The following FAM240A variants were observed in gnomAD, a reference collection of about 807,000 sequenced individuals.
FAM240A encodes family with sequence similarity 240 member A.
A neutral mutation model predicts 7.3 loss-of-function variants in FAM240A; 8 were observed. The observed-to-expected ratio is 1.09, with a 90% CI of 0.64 to 1.97. The LOEUF (loss-of-function observed/expected upper bound fraction) is 1.97. FAM240A is among the 30% of genes most tolerant of loss of function. The pLI is 0.00. For missense variants in FAM240A, 90 were observed against 102.2 expected, an observed-to-expected ratio of 0.88 and a Z score of 0.52; for synonymous variants, 32 against 35.9, an observed-to-expected ratio of 0.89 and a Z score of 0.38.
chr3:46,617,648 C>A (rs1472756948), intron 2 of FAM240A, among the ~76,000 whole-genome samples: 57 of 152,130 alleles, frequency 3.7e-4, no homozygotes, highest in Admixed American at 3.7e-3. Context: ...TAATTCTTAT[C>A]TTTATGAACT....
intron 2 of FAM240A, among the ~76,000 whole-genome samples, chr3:46,624,024 T>A (rs1697726452): frequency 6.6e-6 from 1 of 152,180 alleles, no homozygotes; most frequent in Non-Finnish European, 1.5e-5. Flanking sequence ...GTTGGCTATT[T>A]AACTATTGTT....
intron 1 of FAM240A, among the ~76,000 whole-genome samples, chr3:46,614,288 T>G (rs1697603997): frequency 6.6e-6 from 1 of 152,192 alleles, no homozygotes; most frequent in African/African-American, 2.4e-5. Context: ...AAAGTTATCA[T>G]TAATTGTGTT....
intron 2 of FAM240A, among the ~76,000 whole-genome samples, chr3:46,622,963 C>T (rs1575386970): frequency 6.6e-6 from 1 of 152,116 alleles, no homozygotes; most frequent in African/African-American, 2.4e-5. Flanking sequence ...GGAGAAATGA[C>T]GTCCTAATAA....
Position 46,625,192 on chromosome 3 carries a change from A to G in FAM240A, c.226A>G (p.Thr76Ala). The change falls in exon 3 of 3, where the codon ACT becomes GCT. Residue 76 changes from threonine (T) to alanine (A), a missense_variant. Coordinates refer to ENST00000640551, the MANE Select transcript of FAM240A (RefSeq NM_001195442.2). ...GAGGCTGCGGAACAATCCAGAGGAC[A>G]CTGAAAAGAGGACAAATGTTGGCTG... ...KLRLRNNPED[T>A]EKRTNVG is the part of the protein sequence containing the mutation. 1 of 1,533,670 alleles carries G rather than the reference A, an allele frequency of 6.5e-7. No homozygotes were observed. Among genetic ancestry groups the G allele is most frequent in the Non-Finnish European group, 8.7e-7 (1 of 1,145,502 alleles).
At chr3:46,616,726 CACAT>C (rs148936964) in intron 1 of FAM240A, among the ~76,000 whole-genome samples, 413 of 149,032 alleles carry the variant, frequency 2.8e-3, no homozygotes, top group African/African-American at 9.0e-3. Context: ...CACACACACA[CACAT>C]AAAACATTTT....
At chr3:46,616,395 A>G (rs1156328306) in intron 1 of FAM240A, among the ~76,000 whole-genome samples, 2 of 152,046 alleles carry the variant, frequency 1.3e-5, no homozygotes, top group Admixed American at 1.3e-4. Context: ...TTACATGGAT[A>G]AGTTGTATAG....
At chr3:46,618,219 A>G (rs1176750238) in intron 2 of FAM240A, among the ~76,000 whole-genome samples, 5 of 152,196 alleles carry the variant, frequency 3.3e-5, no homozygotes, top group Admixed American at 3.3e-4. Flanking sequence ...CCTGAGCCCT[A>G]GAGGGGAACC....
intron 2 of FAM240A, among the ~76,000 whole-genome samples, chr3:46,618,827 C>T (rs1412153165): frequency 7.1e-6 from 1 of 141,468 alleles, no homozygotes; most frequent in Non-Finnish European, 1.5e-5. Context: ...GTGACAAGAG[C>T]AAAACTCTGT....
intron 2 of FAM240A, among the ~76,000 whole-genome samples, chr3:46,622,480 T>G (rs1697709764): frequency 6.6e-6 from 1 of 152,202 alleles, no homozygotes; most frequent in Non-Finnish European, 1.5e-5. Flanking sequence ...TCACAAAGAT[T>G]GTCTTCTGTT....
rs10539495 is a variant in FAM240A at position 46,624,963 on chromosome 3, T to TTATA, written c.162-149_162-146dup. Among the ~76,000 whole-genome samples, 657 of 146,632 alleles carry TTATA rather than the reference T, an allele frequency of 4.5e-3. 2 individuals carry two copies. Among genetic ancestry groups the TTATA allele is most frequent in the African/African-American group, 0.013 (522 of 40,230 alleles). Reference sequence around the variant, plus strand: ...ATATAAATAAATAAATATGAATAAATTATATATATATATATATATTTAAAC... The same window carrying TTATA: ...ATATAAATAAATAAATATGAATAAATTATATATATATATATATATATATTTAAAC... On this transcript the variant is annotated intron_variant, in intron 2 of 2. Coordinates refer to ENST00000640551, the MANE Select transcript of FAM240A (RefSeq NM_001195442.2).
intron 2 of FAM240A, among the ~76,000 whole-genome samples, chr3:46,618,878 TATATAC>T (rs1211147033): frequency 0.012 from 866 of 73,828 alleles, 5 homozygotes; most frequent in African/African-American, 0.028. Flanking sequence ...TATATATATA[TATATAC>T]ACACACACAC....
intron 1 of FAM240A, among the ~76,000 whole-genome samples, chr3:46,615,807 C>T (rs1339974257): frequency 6.6e-6 from 1 of 152,122 alleles, no homozygotes; most frequent in East Asian, 1.9e-4. Context: ...TTTTGAGTGT[C>T]TGATATGTAT....
intron 2 of FAM240A, among the ~76,000 whole-genome samples, chr3:46,620,439 G>A (rs546645287): frequency 6.7e-6 from 1 of 149,386 alleles, no homozygotes; most frequent in Non-Finnish European, 1.5e-5. Context: ...CAAAAAAGGT[G>A]ATCTATAACC....
intron 2 of FAM240A, among the ~76,000 whole-genome samples, chr3:46,618,876 TATATATAC>T (rs1388387818): frequency 1.2e-3 from 56 of 45,366 alleles, no homozygotes; most frequent in African/African-American, 3.7e-3. Context: ...TGTATATATA[TATATATAC>T]ACACACACAC....
chr3:46,613,528 A>AAATAAATAAAT (rs1559437398), intron 1 of FAM240A, among the ~76,000 whole-genome samples: 135 of 44,408 alleles, frequency 3.0e-3, no homozygotes, highest in African/African-American at 6.4e-3. Context: ...AATAAATAAA[A>AAATAAATAAAT]AACAAGACAC....
rs1364909701 is a variant in FAM240A at position 46,612,571 on chromosome 3, T to C, written c.-113T>C. On this transcript the variant is annotated 5_prime_UTR_variant, in exon 1 of 3. Transcript: ENST00000640551. ...GGCTTGCGAGGGACAAATGTTCCTT[T>C]GTTCTTGTTGATTTGCTGAACGTGA... is the stretch of plus-strand genomic sequence containing the variant. The C allele has an allele frequency of 1.2e-6, 1 of 811,834 alleles. No homozygotes were observed. The highest frequency in any genetic ancestry group is 2.1e-5 in the Admixed American group (1 of 48,594). The allele number at this position is 811,834 out of a possible 1,614,324, so 50.3% of individuals were successfully genotyped here.
chr3:46,624,677 C>T (rs1034437577), intron 2 of FAM240A, among the ~76,000 whole-genome samples: 1 of 152,058 alleles, frequency 6.6e-6, no homozygotes, highest in African/African-American at 2.4e-5. Flanking sequence ...TCCAGATTTC[C>T]ATCTTGTGTC....
intron 2 of FAM240A, 103 bp from the exon 3 acceptor site, chr3:46,625,025 C>T: frequency 1.5e-6 from 1 of 679,740 alleles, no homozygotes; most frequent in South Asian, 1.9e-5. Flanking sequence ...AACCTGAACA[C>T]ATACATGCAA....
intron 2 of FAM240A, among the ~76,000 whole-genome samples, chr3:46,619,272 G>C (rs1353405696): frequency 1.3e-5 from 2 of 152,224 alleles, no homozygotes; most frequent in Non-Finnish European, 2.9e-5. Flanking sequence ...GAACAGCAGA[G>C]ACTTTGCAGC....
Sources: allele counts gnomAD v4.1 joint callset (sites outside exome capture counted in the v4.1 genomes callset), GRCh38; gene constraint gnomAD v4.1.1; transcripts MANE v1.5; gene names NCBI Gene and HGNC (gene_info 2026-07-23, HGNC 2026-07-21).